SLC13A5: variants seen among roughly 807,000 people sequenced by gnomAD.
The protein encoded by SLC13A5 is solute carrier family 13 member 5.
SLC13A5 carries 25 observed loss-of-function variants against 56.5 expected under a neutral mutation model. That is an observed-to-expected ratio of 0.44 (90% confidence interval 0.32 to 0.62). The LOEUF is 0.62. SLC13A5 is among the 20% of genes least tolerant of loss of function. The pLI, the probability that SLC13A5 is intolerant of heterozygous loss-of-function variation, is 0.04. For synonymous variants in SLC13A5, 307 were observed against 301.5 expected, an observed-to-expected ratio of 1.02 and a Z score of -0.19; for missense variants, 649 against 737.8, an observed-to-expected ratio of 0.88 and a Z score of 1.39.
rs1973864162 is a variant in SLC13A5 at position 6,706,416 on chromosome 17, T to G, written c.368+226A>C. Among the ~76,000 whole-genome samples, 5 of 152,166 alleles carry G rather than the reference T, an allele frequency of 3.3e-5. 1 individual carries two copies. The South Asian group carries it at 1.0e-3, about 32-fold the overall frequency. On this transcript the variant is annotated intron_variant, in intron 3 of 11. Transcript: ENST00000433363. The stretch of plus-strand genomic sequence containing the variant: ...CTGCAAGGACTCTTGCTGACCCACC[T>G]CCTCTGGATTCGAGGACCCTTACTT...
chr17:6,691,001 AG>A, intron 9 of SLC13A5, 61 bp from the exon 10 acceptor site: 2 of 1,547,306 alleles, frequency 1.3e-6, no homozygotes, highest in Non-Finnish European at 1.7e-6. Context: ...CTTCAGGGCC[AG>A]GGCAAGCTTG....
chr17:6,695,620 A>T, intron 7 of SLC13A5, 106 bp downstream of exon 7: 2 of 1,062,170 alleles, frequency 1.9e-6, no homozygotes, highest in Non-Finnish European at 1.4e-6. Flanking sequence ...CGATCTCCTG[A>T]CCTCAAGTGA....
chr17:6,696,584 C>A (rs763953636), intron 6 of SLC13A5, among the ~76,000 whole-genome samples: 3 of 152,136 alleles, frequency 2.0e-5, no homozygotes. Context: ...CCTGCAGGGC[C>A]TCCCCTAAGG....
At chr17:6,709,064 C>T (rs1454975396) in intron 1 of SLC13A5, among the ~76,000 whole-genome samples, 1 of 148,064 alleles carries the variant, frequency 6.8e-6, no homozygotes, top group East Asian at 2.0e-4. Flanking sequence ...GGTCACAGCT[C>T]ACTGTAACCT....
intron 6 of SLC13A5, among the ~76,000 whole-genome samples, chr17:6,696,514 AGGATGGCACCCCCATCCT>A (rs1973564939): frequency 6.6e-6 from 1 of 152,082 alleles, no homozygotes; most frequent in African/African-American, 2.4e-5. Flanking sequence ...AAGACAGCCC[AGGATGGCACCCCCATCCT>A]GGATGGGCCC....
At chr17:6,690,526 T>C (rs1973377890) in intron 10 of SLC13A5, among the ~76,000 whole-genome samples, 1 of 152,194 alleles carries the variant, frequency 6.6e-6, no homozygotes, top group African/African-American at 2.4e-5. Context: ...ATTAGATTTA[T>C]AAAATAAATT....
rs545584852 is a variant in SLC13A5, at chr17:6,699,762, C to T, written c.839+1242G>A. Among the ~76,000 whole-genome samples, 11 of 151,244 alleles carry T rather than the reference C, an allele frequency of 7.3e-5. No homozygotes were observed. The South Asian group carries it at 1.3e-3, about 17-fold the overall frequency. On this transcript the variant is annotated intron_variant, in intron 6 of 11. Coordinates refer to ENST00000433363, the MANE Select transcript of SLC13A5 (RefSeq NM_177550.5). ...CTGGGATTTCAGGCGTGGGCTACCA[C>T]GCCCGGCTAATTTTTGTATTTTTAG...
chr17:6,703,634 T>A (rs1309413742), intron 4 of SLC13A5, among the ~76,000 whole-genome samples: 1 of 152,230 alleles, frequency 6.6e-6, no homozygotes, highest in Non-Finnish European at 1.5e-5. Flanking sequence ...ACACACTGAT[T>A]TCTGCAACTG....
chr17:6,702,871 G>A, intron 5 of SLC13A5, 99 bp downstream of exon 5: 2 of 1,477,284 alleles, frequency 1.4e-6, no homozygotes, highest in Non-Finnish European at 1.8e-6. Context: ...CTGCCCCGAG[G>A]CTTTCCAGGA....
rs190609843 is a variant in SLC13A5, at chr17:6,694,403, G to A, written c.1056-206C>T. 5.0e-3 allele frequency among the ~76,000 whole-genome samples: 766 copies of A among 152,250 alleles called. 3 individuals are homozygous for A. The highest frequency in any genetic ancestry group is 0.017 in the African/African-American group (725 of 41,552). On this transcript the variant is annotated intron_variant, in intron 7 of 11. Transcript: ENST00000433363. ...GGAGGCTGAGGCGGGCGGATCACGA[G>A]GTCAGGAGTTCAAGACCAGCCTGGC...
At chr17:6,710,586 A>C (rs746702572) in intron 1 of SLC13A5, among the ~76,000 whole-genome samples, 1 of 152,156 alleles carries the variant, frequency 6.6e-6, no homozygotes, top group African/African-American at 2.4e-5. Flanking sequence ...GCCACTATTT[A>C]GAAGCCCAGG....
At chr17:6,704,508 T>A (rs1467042735) in intron 3 of SLC13A5, 2 of 338,488 alleles carry the variant, frequency 5.9e-6, no homozygotes, top group Non-Finnish European at 1.2e-5. Context: ...CCCCAAACTC[T>A]GTTGCACCTC....
intron 3 of SLC13A5, among the ~76,000 whole-genome samples, chr17:6,705,837 A>C (rs1217495853): frequency 6.6e-6 from 1 of 152,186 alleles, no homozygotes; most frequent in Non-Finnish European, 1.5e-5. Flanking sequence ...ATATGCCCTG[A>C]GTTTCTGATT....
Position 6,687,521 on chromosome 17 carries a change from T to C in SLC13A5, c.1575+8A>G, listed in dbSNP as rs1252888019. ...TCCGACGGGAGTAAATAAAAACAGC[T>C]GTGTTACCATGTCAGCAACCTTGAG... On this transcript the variant is annotated splice_region_variant and intron_variant, in intron 11 of 11. Coordinates refer to ENST00000433363, the MANE Select transcript of SLC13A5 (RefSeq NM_177550.5). This position sits in a 1 kb window ranked among gnomAD's most constrained non-coding sequence, Gnocchi z 5.0. The C allele has an allele frequency of 6.2e-7, 1 of 1,613,598 alleles. No homozygotes were observed. Among genetic ancestry groups the C allele is most frequent in the Non-Finnish European group, 8.5e-7 (1 of 1,179,852 alleles).
intron 6 of SLC13A5, among the ~76,000 whole-genome samples, chr17:6,696,543 C>T (rs1048181538): frequency 6.6e-6 from 1 of 152,016 alleles, no homozygotes; most frequent in African/African-American, 2.4e-5. Flanking sequence ...GGATGGGCCC[C>T]CTTGGGACCA....
At chr17:6,690,083 A>AAC (rs1973362403) in intron 10 of SLC13A5, 1 of 131,170 alleles carries the variant, frequency 7.6e-6, no homozygotes. Flanking sequence ...AAAAAAAAAA[A>AAC]AAAAAAAAAA....
At chr17:6,707,900 T>C (rs1353029922) in intron 1 of SLC13A5, among the ~76,000 whole-genome samples, 5 of 152,176 alleles carry the variant, frequency 3.3e-5, no homozygotes, top group African/African-American at 4.8e-5. Context: ...CCTAAAGCTA[T>C]TGAAATAAAA....
At chr17:6,697,647 C>T (rs956462691) in intron 6 of SLC13A5, among the ~76,000 whole-genome samples, 1 of 152,210 alleles carries the variant, frequency 6.6e-6, no homozygotes, top group African/African-American at 2.4e-5. Context: ...GCAGAGCCAA[C>T]AAGAGGGGAG....
chr17:6,710,982 A>G (rs1974006753), intron 1 of SLC13A5, among the ~76,000 whole-genome samples: 1 of 152,160 alleles, frequency 6.6e-6, no homozygotes, highest in Non-Finnish European at 1.5e-5. Flanking sequence ...TTAAAAAAAG[A>G]CCCAGAGGAA....
Sources: allele counts gnomAD v4.1 joint callset (sites outside exome capture counted in the v4.1 genomes callset), GRCh38; gene constraint gnomAD v4.1.1; non-coding constraint Gnocchi (gnomAD v3.1); transcripts MANE v1.5; gene names NCBI Gene and HGNC (gene_info 2026-07-23, HGNC 2026-07-21).